PSMC1: variants seen among roughly 807,000 people sequenced by gnomAD.
The protein encoded by PSMC1 is 26S proteasome regulatory subunit 4.
In PSMC1, 5 loss-of-function variants were observed where a neutral mutation model predicts 49.8. The ratio of observed to expected loss-of-function variants is 0.10; its 90% confidence interval spans 0.05 to 0.21. PSMC1 has a LOEUF of 0.21. PSMC1 is among the 10% of genes least tolerant of loss of function. The pLI, the probability that PSMC1 is intolerant of heterozygous loss-of-function variation, is 1.00. For missense variants in PSMC1, 181 were observed against 535.7 expected, an observed-to-expected ratio of 0.34 and a Z score of 6.54; for synonymous variants, 155 against 192.1, an observed-to-expected ratio of 0.81 and a Z score of 1.60.
rs374001112 is a variant in PSMC1, at chr14:90,274,175, T to C, written c.*1768T>C. 58 of 154,880 alleles carry C rather than the reference T, an allele frequency of 3.7e-4. 1 individual carries two copies. In the South Asian group the frequency reaches 7.0e-3, roughly 19 times the overall value. The allele number at this position is 154,880 out of a possible 1,614,324, so 9.6% of individuals were successfully genotyped here. A position where few individuals can be genotyped will look rare whatever the true frequency, so the allele number is the denominator to read the frequency against. Reference sequence around the variant, plus strand: ...TGTCAGCCCAAGTAGGGTGTGGAGCTGTCCATGTGGAGGAACACCACAGCA... The same window carrying C: ...TGTCAGCCCAAGTAGGGTGTGGAGCCGTCCATGTGGAGGAACACCACAGCA... On this transcript the variant is annotated 3_prime_UTR_variant, in exon 11 of 11. Coordinates refer to ENST00000261303, the MANE Select transcript of PSMC1 (RefSeq NM_002802.3).
Position 90,261,818 on chromosome 14 carries a change from A to T in PSMC1, c.155-1500A>T, listed in dbSNP as rs572805494. On this transcript the variant is annotated intron_variant, in intron 3 of 10. Coordinates refer to ENST00000261303, the MANE Select transcript of PSMC1 (RefSeq NM_002802.3). ...CATTACTGGGTATATACCCAAAGGA[A>T]TATAAATCAAGCTGCTATAAAGACC... 1.7e-3 allele frequency among the ~76,000 whole-genome samples: 257 copies of T among 150,480 alleles called. 3 individuals are homozygous for T. The Middle Eastern group carries it at 0.021, about 12-fold the overall frequency.
intron 3 of PSMC1, among the ~76,000 whole-genome samples, chr14:90,261,431 C>A (rs188173815): frequency 6.6e-6 from 1 of 152,314 alleles, no homozygotes; most frequent in African/African-American, 2.4e-5. Flanking sequence ...GGTATTGGTA[C>A]AGAAAGAGGC....
Position 90,263,577 on chromosome 14 carries a change from G to A in PSMC1, c.280-85G>A, listed in dbSNP as rs1288373367. The A allele has an allele frequency of 4.0e-6, 6 of 1,507,858 alleles. No individual in the cohort carries two copies. In the South Asian group the frequency reaches 4.8e-5, roughly 12 times the overall value. 93.4% of individuals were successfully genotyped at this position (1,507,858 alleles called of 1,614,324 possible). A position where few individuals can be genotyped will look rare whatever the true frequency, so the allele number is the denominator to read the frequency against. On this transcript the variant is annotated intron_variant, in intron 4 of 10. Transcript: ENST00000261303. ...TTATTAGCTGCCTTTTACAAGCATCGGCTGCTTTGTAAATCTAGCGAACTA... is the reference window on the plus strand; with the variant it reads ...TTATTAGCTGCCTTTTACAAGCATCAGCTGCTTTGTAAATCTAGCGAACTA...
intron 7 of PSMC1, 62 bp downstream of exon 7, chr14:90,265,228 T>G: frequency 8.7e-7 from 1 of 1,149,000 alleles, no homozygotes. Flanking sequence ...CAGCATTGGC[T>G]AGTTATAATT....
chr14:90,258,904 T>G (rs1891345653), intron 1 of PSMC1, among the ~76,000 whole-genome samples: 1 of 152,128 alleles, frequency 6.6e-6, no homozygotes, highest in Non-Finnish European at 1.5e-5. Flanking sequence ...CTCAATAGAG[T>G]TGTTCTTGAT....
At chr14:90,265,029 A>G in intron 6 of PSMC1, 41 bp from the exon 7 acceptor site, 1 of 1,431,936 alleles carries the variant, frequency 7.0e-7, no homozygotes, top group Non-Finnish European at 9.7e-7. Flanking sequence ...AAATATGCTA[A>G]TAATTTCAGT....
intron 7 of PSMC1, 103 bp from the exon 8 acceptor site, chr14:90,268,121 C>T (rs887830565): frequency 6.6e-6 from 6 of 911,412 alleles, no homozygotes; most frequent in South Asian, 1.8e-5. Context: ...CATGAGGGCC[C>T]GCCTGTTTTT....
chr14:90,260,271 A>T, intron 3 of PSMC1, 60 bp downstream of exon 3: 1 of 1,278,864 alleles, frequency 7.8e-7, no homozygotes, highest in Non-Finnish European at 1.1e-6. Context: ...ATCTCTGTGC[A>T]TGTAGCTTAG....
rs1891563613 is a variant in PSMC1 at position 90,268,042 on chromosome 14, T to G, written c.692-182T>G. ...ATAATCCAAACATGTTAGTAGATTTTTCTAAATGTCCTCTTATCTACTTAG... is the reference window on the plus strand; with the variant it reads ...ATAATCCAAACATGTTAGTAGATTTGTCTAAATGTCCTCTTATCTACTTAG... On this transcript the variant is annotated intron_variant, in intron 7 of 10. Transcript: ENST00000261303. The G allele has an allele frequency of 2.3e-5, 12 of 515,560 alleles. No homozygotes were observed. The South Asian group carries it at 3.9e-4, about 17-fold the overall frequency. The allele number at this position is 515,560 out of a possible 1,614,324, so 31.9% of individuals were successfully genotyped here.
intron 6 of PSMC1, among the ~76,000 whole-genome samples, chr14:90,264,716 G>A (rs1891470413): frequency 6.6e-6 from 1 of 152,194 alleles, no homozygotes; most frequent in Admixed American, 6.5e-5. Context: ...GTCCCTAGAT[G>A]GGAACAGCCA....
chr14:90,268,582 C>T (rs928482033), intron 8 of PSMC1, 169 bp downstream of exon 8: 1 of 643,062 alleles, frequency 1.6e-6, no homozygotes, highest in Non-Finnish European at 2.7e-6. Context: ...CTAACAACTG[C>T]CCAGTAACTG....
At chr14:90,260,326 A>G in intron 3 of PSMC1, 115 bp downstream of exon 3, 1 of 716,044 alleles carries the variant, frequency 1.4e-6, no homozygotes. Context: ...CTGAAGCTCT[A>G]GCTTTGTGAT....
chr14:90,265,345 A>G (rs1182174164), intron 7 of PSMC1, among the ~76,000 whole-genome samples, 179 bp downstream of exon 7: 1 of 111,124 alleles, frequency 9.0e-6, no homozygotes, highest in African/African-American at 4.0e-5. Flanking sequence ...TACTGATGGA[A>G]AAAAAAAAAA....
rs111737451 is a variant in PSMC1 at position 90,263,220 on chromosome 14, C to T, written c.155-98C>T. The T allele has an allele frequency of 4.6e-6, 6 of 1,291,382 alleles. No individual in the cohort carries two copies. In the South Asian group the frequency reaches 5.6e-5, roughly 12 times the overall value. 80.0% of individuals were successfully genotyped at this position (1,291,382 alleles called of 1,614,324 possible). On this transcript the variant is annotated intron_variant, in intron 3 of 10. Transcript: ENST00000261303. ...CCAAACTGAATTTTTCTGAAGCTAT[C>T]GCCAACAAAAATGAGCGTATTTTAA...
At chr14:90,264,996 A>G (rs998386933) in intron 6 of PSMC1, 74 bp from the exon 7 acceptor site, 1 of 1,099,226 alleles carries the variant, frequency 9.1e-7, no homozygotes, top group Admixed American at 2.0e-5. Context: ...TGAAAGCAAG[A>G]TATTGTCATG....
intron 3 of PSMC1, among the ~76,000 whole-genome samples, chr14:90,260,457 T>C (rs567430962): frequency 1.1e-4 from 17 of 152,182 alleles, no homozygotes; most frequent in East Asian, 9.7e-4. Context: ...CGTGGCGGGG[T>C]GCGGTGGTTC....
chr14:90,274,483 C>T lies in PSMC1; in HGVS notation c.*2076C>T, dbSNP rs1891749623. Reference sequence around the variant, plus strand: ...GAACGACCTCTGTCCACTGGGAGCACCTGGGAACAGTGACACCCCAACTGC... The same window carrying T: ...GAACGACCTCTGTCCACTGGGAGCATCTGGGAACAGTGACACCCCAACTGC... On this transcript the variant is annotated 3_prime_UTR_variant, in exon 11 of 11. Transcript: ENST00000261303. 1 of 152,554 alleles carries T rather than the reference C, an allele frequency of 6.6e-6. No homozygotes were observed. The highest frequency in any genetic ancestry group is 2.4e-5 in the African/African-American group (1 of 41,412). The allele number at this position is 152,554 out of a possible 1,614,324, so 9.5% of individuals were successfully genotyped here. A position where few individuals can be genotyped will look rare whatever the true frequency, so the allele number is the denominator to read the frequency against.
In PSMC1 at chr14:90,273,202, A is replaced by C. The variant is rs1368276906; in HGVS notation, c.*795A>C. On this transcript the variant is annotated 3_prime_UTR_variant, in exon 11 of 11. Transcript: ENST00000261303. ...GGTGTGGGTTGTAGGGCCCACACTG[A>C]ATGAGGAGTGTGTATTAGTTTTCTG... 1 of 152,066 alleles carries C rather than the reference A, an allele frequency of 6.6e-6. No individual in the cohort carries two copies. Among genetic ancestry groups the C allele is most frequent in the East Asian group, 1.9e-4 (1 of 5,194 alleles). 9.4% of individuals were successfully genotyped at this position (152,066 alleles called of 1,614,324 possible).
chr14:90,271,610 C>G (rs1322899448), intron 10 of PSMC1: 2 of 152,068 alleles, frequency 1.3e-5, no homozygotes, highest in Non-Finnish European at 2.9e-5. Flanking sequence ...CTGTCAATTG[C>G]CTCTAAGTTT....
Sources: allele counts gnomAD v4.1 joint callset (sites outside exome capture counted in the v4.1 genomes callset), GRCh38; gene constraint gnomAD v4.1.1; transcripts MANE v1.5; gene names NCBI Gene and HGNC (gene_info 2026-07-23, HGNC 2026-07-21).